Variants in CDK6 observed in about 807,000 individuals in gnomAD.
The protein encoded by CDK6 is cyclin dependent kinase 6.
A neutral mutation model predicts 37.1 loss-of-function variants in CDK6; 6 were observed. The observed-to-expected ratio is 0.16, with a 90% CI of 0.09 to 0.32. CDK6 has a LOEUF of 0.32. Among genes scored for constraint, CDK6 ranks in the 10% least tolerant of loss-of-function variants. The pLI, the probability that CDK6 is intolerant of heterozygous loss-of-function variation, is 1.00. For synonymous variants in CDK6, 160 were observed against 161.3 expected, an observed-to-expected ratio of 0.99 and a Z score of 0.06; for missense variants, 224 against 418.9, an observed-to-expected ratio of 0.53 and a Z score of 4.06.
At chr7:92,685,544 C>G (rs1308171127) in intron 4 of CDK6, among the ~76,000 whole-genome samples, 1 of 152,164 alleles carries the variant, frequency 6.6e-6, no homozygotes, top group East Asian at 1.9e-4. Flanking sequence ...CTTCTTTTAT[C>G]CTGGAAACTG....
At chr7:92,832,621 T>G (rs1801519623) in intron 2 of CDK6, among the ~76,000 whole-genome samples, 1 of 152,222 alleles carries the variant, frequency 6.6e-6, no homozygotes, top group Admixed American at 6.5e-5. Context: ...TGATTTACAC[T>G]TGGCTCCACC....
chr7:92,638,876 C>T (rs531851873), intron 5 of CDK6, among the ~76,000 whole-genome samples: 62 of 152,218 alleles, frequency 4.1e-4, no homozygotes, highest in African/African-American at 1.5e-3. Flanking sequence ...TAAGATGTCA[C>T]CAGTTGACTG....
Position 92,803,363 on chromosome 7 carries a change from G to A in CDK6, c.234-28532C>T, listed in dbSNP as rs575006862. On this transcript the variant is annotated intron_variant, in intron 2 of 7. Coordinates refer to ENST00000424848, the MANE Select transcript of CDK6 (RefSeq NM_001145306.2). ...CAGGTGATATAAACTTCACAAGGGA[G>A]GAGTGAACGTTAGTACTAAAGTTTT... is the stretch of plus-strand genomic sequence containing the variant. 3.3e-5 allele frequency among the ~76,000 whole-genome samples: 5 copies of A among 152,294 alleles called. No individual in the cohort carries two copies. The East Asian group carries it at 9.7e-4, about 29-fold the overall frequency.
chr7:92,790,046 G>A (rs894502006), intron 2 of CDK6, among the ~76,000 whole-genome samples: 2 of 152,086 alleles, frequency 1.3e-5, no homozygotes, highest in Non-Finnish European at 1.5e-5. Flanking sequence ...GTACCTAGAG[G>A]TTGGTAAATC....
intron 2 of CDK6, among the ~76,000 whole-genome samples, chr7:92,825,988 A>C (rs1801301474): frequency 6.6e-6 from 1 of 152,138 alleles, no homozygotes; most frequent in African/African-American, 2.4e-5. Context: ...TATTTCCTAA[A>C]TTATTTCCCA....
intron 2 of CDK6, among the ~76,000 whole-genome samples, chr7:92,821,714 T>C (rs80354114): frequency 0.056 from 8,491 of 151,428 alleles, 299 homozygotes; most frequent in Non-Finnish European, 0.074. Context: ...ATATATTGTA[T>C]AAATTATGTT....
chr7:92,611,091 T>C lies in CDK6; in HGVS notation c.*4049A>G, dbSNP rs1004804750. The C allele has an allele frequency of 8.8e-6, 2 of 226,662 alleles. No individual in the cohort carries two copies. The highest frequency in any genetic ancestry group is 1.8e-5 in the Non-Finnish European group (2 of 114,070). The allele number at this position is 226,662 out of a possible 1,614,324, so 14.0% of individuals were successfully genotyped here. On this transcript the variant is annotated 3_prime_UTR_variant, in exon 8 of 8. Transcript: ENST00000424848. Reference sequence around the variant, plus strand: ...CATAAAGAATATATCCTTCAAAATATATATAGCTTTGAAACTACCCTTTAA... The same window carrying C: ...CATAAAGAATATATCCTTCAAAATACATATAGCTTTGAAACTACCCTTTAA...
chr7:92,734,691 T>C (rs1486379970), intron 3 of CDK6, among the ~76,000 whole-genome samples: 1 of 152,142 alleles, frequency 6.6e-6, no homozygotes, highest in Non-Finnish European at 1.5e-5. Flanking sequence ...TTAGGAGGAA[T>C]GCGATAAAAC....
chr7:92,804,379 C>T (rs117854961), intron 2 of CDK6, among the ~76,000 whole-genome samples: 50 of 152,268 alleles, frequency 3.3e-4, no homozygotes, highest in Middle Eastern at 3.4e-3. Context: ...CAACCTTCAC[C>T]GTGGATTCTA....
At chr7:92,752,928 C>T (rs75603210) in intron 3 of CDK6, among the ~76,000 whole-genome samples, 2,659 of 152,190 alleles carry the variant, frequency 0.017, 92 homozygotes, top group African/African-American at 0.062. Flanking sequence ...TGACATTATA[C>T]GACAGATCCT....
At chr7:92,774,883 C>A (rs1225059357) in intron 2 of CDK6, 52 bp from the exon 3 acceptor site, 1 of 1,563,500 alleles carries the variant, frequency 6.4e-7, no homozygotes, top group East Asian at 2.3e-5. Context: ...AAAGAAGTAA[C>A]CTGTATGTTT....
chr7:92,689,885 T>A (rs112623954), intron 4 of CDK6, among the ~76,000 whole-genome samples: 74 of 152,338 alleles, frequency 4.9e-4, no homozygotes, highest in African/African-American at 1.7e-3. Flanking sequence ...TGATCAGTGA[T>A]GTTGAGCTTT....
At chr7:92,829,126 T>A (rs898517350) in intron 2 of CDK6, among the ~76,000 whole-genome samples, 2 of 152,162 alleles carry the variant, frequency 1.3e-5, no homozygotes, top group African/African-American at 4.8e-5. Flanking sequence ...TGTTAACAAT[T>A]AGGTTTTCCA....
intron 2 of CDK6, among the ~76,000 whole-genome samples, chr7:92,796,882 T>C (rs374884146): frequency 4.5e-4 from 68 of 152,216 alleles, no homozygotes; most frequent in African/African-American, 1.5e-3. Context: ...AAAGTATCCA[T>C]AAGCAGGACA....
chr7:92,725,865 G>GA, intron 3 of CDK6, 72 bp from the exon 4 acceptor site: 3 of 1,389,386 alleles, frequency 2.2e-6, no homozygotes, highest in Non-Finnish European at 3.0e-6. Flanking sequence ...GCTGGACGCC[G>GA]AATCCTTAGC....
At chr7:92,725,565 C>T (rs113101067) in intron 4 of CDK6, 61 bp downstream of exon 4, 9 of 1,507,246 alleles carry the variant, frequency 6.0e-6, no homozygotes, top group Admixed American at 3.6e-5. Context: ...GGAAGAGGGA[C>T]AGACTGTCAT....
intron 4 of CDK6, among the ~76,000 whole-genome samples, chr7:92,720,839 A>G (rs949987544): frequency 1.3e-5 from 2 of 152,174 alleles, no homozygotes; most frequent in Non-Finnish European, 2.9e-5. Flanking sequence ...CTCTAAATAT[A>G]GTTTCAGCTA....
intron 4 of CDK6, among the ~76,000 whole-genome samples, chr7:92,688,300 T>C (rs888214084): frequency 3.3e-5 from 5 of 152,208 alleles, no homozygotes; most frequent in Non-Finnish European, 5.9e-5. Flanking sequence ...GTACTTTCTA[T>C]ACTTTTGACT....
chr7:92,786,073 A>C (rs1163004214), intron 2 of CDK6, among the ~76,000 whole-genome samples: 2 of 152,232 alleles, frequency 1.3e-5, no homozygotes, highest in Admixed American at 1.3e-4. Context: ...CTCTGGCTTA[A>C]GTCAGATAGA....
Sources: allele counts gnomAD v4.1 joint callset (sites outside exome capture counted in the v4.1 genomes callset), GRCh38; gene constraint gnomAD v4.1.1; transcripts MANE v1.5; gene names NCBI Gene and HGNC (gene_info 2026-07-23, HGNC 2026-07-21).